The following RSRP1 variants were observed in gnomAD, a reference collection of about 807,000 sequenced individuals.
RSRP1 encodes arginine/serine-rich protein 1.
Under a neutral mutation model 33.0 loss-of-function variants are expected in RSRP1, and 37 were observed. The observed-to-expected ratio is 1.12, with a 90% CI of 0.86 to 1.48. RSRP1 has a LOEUF of 1.48. Ranked by LOEUF, RSRP1 falls within the 40% of genes most tolerant of loss-of-function variation. The pLI is 0.00. For synonymous variants in RSRP1, 167 were observed against 158.7 expected, an observed-to-expected ratio of 1.05 and a Z score of -0.40; for missense variants, 402 against 385.3, an observed-to-expected ratio of 1.04 and a Z score of -0.36.
At chr1:25,256,147 CTTTT>C (rs58871827) in intron 1 of RSRP1, among the ~76,000 whole-genome samples, 2 of 132,994 alleles carry the variant, frequency 1.5e-5, no homozygotes, top group African/African-American at 2.8e-5. Flanking sequence ...CTATCCGGAT[CTTTT>C]TTTTTTTTTT....
intron 1 of RSRP1, among the ~76,000 whole-genome samples, chr1:25,261,632 C>T (rs1175554571): frequency 1.3e-5 from 2 of 151,572 alleles, no homozygotes; most frequent in Non-Finnish European, 2.9e-5. Context: ...TCTCAATCTC[C>T]TGACCTCGTG....
chr1:25,248,517 C>T (rs115195019), upstream of RSRP1, among the ~76,000 whole-genome samples: 881 of 152,242 alleles, frequency 5.8e-3, 9 homozygotes, highest in African/African-American at 0.02. Flanking sequence ...ACTGTGTTGC[C>T]CAGGCTGGTC....
intron 1 of RSRP1, among the ~76,000 whole-genome samples, chr1:25,273,302 A>ATTTTTT (rs750823240): frequency 1.5e-4 from 15 of 97,772 alleles, no homozygotes; most frequent in African/African-American, 5.5e-4. Context: ...TGCCTGGCTA[A>ATTTTTT]TTTTTTTTTT....
chr1:25,282,304 A>G (rs1641555679), intron 1 of RSRP1, among the ~76,000 whole-genome samples: 1 of 131,496 alleles, frequency 7.6e-6, no homozygotes, highest in Non-Finnish European at 1.8e-5. Flanking sequence ...GTGCGGTCTC[A>G]GCTCACTGCA....
At chr1:25,294,505 G>A in intron 1 of RSRP1, 1 of 697,538 alleles carries the variant, frequency 1.4e-6, no homozygotes, top group Non-Finnish European at 2.6e-6. Context: ...TGTATGTGCT[G>A]CACTCCACAC....
intron 1 of RSRP1, chr1:25,304,848 A>C (rs1278539175): frequency 3.0e-5 from 4 of 131,962 alleles, no homozygotes; most frequent in Admixed American, 2.9e-4. Flanking sequence ...AAGGGCAGAA[A>C]AAAGAACACA....
rs1643093791 is a variant in RSRP1 at position 25,298,057 on chromosome 1, C to T, written c.-67+39921G>A. On this transcript the variant is annotated intron_variant, in intron 1 of 1. Transcript: ENST00000561867. ...ACCCACCCATCCACCTCCACTTGTT[C>T]CTGCATTTCTATGTCCCAGATCCTG... 1.6e-5 allele frequency among the ~76,000 whole-genome samples: 2 copies of T among 122,936 alleles called. 1 individual carries two copies. The highest frequency in any genetic ancestry group is 5.2e-4 in the South Asian group (2 of 3,872). The allele number at this position is 122,936 out of a possible 152,430, so 80.7% of individuals were successfully genotyped here.
chr1:25,252,856 T>C (rs575370200), intron 1 of RSRP1, among the ~76,000 whole-genome samples: 1 of 152,022 alleles, frequency 6.6e-6, no homozygotes, highest in African/African-American at 2.4e-5. Context: ...TAGTATTCTT[T>C]TTGGCATGAG....
intron 1 of RSRP1, among the ~76,000 whole-genome samples, chr1:25,274,879 C>T (rs1290579038): frequency 7.7e-6 from 1 of 129,548 alleles, no homozygotes; most frequent in East Asian, 2.0e-4. Flanking sequence ...TGGTGGCACA[C>T]GTCTATAATC....
intron 1 of RSRP1, chr1:25,307,786 G>A (rs1271981175): frequency 7.7e-7 from 1 of 1,301,124 alleles, no homozygotes; most frequent in African/African-American, 1.5e-5. Context: ...GACAACCATA[G>A]CCCCAAATTA....
At chr1:25,275,890 C>T (rs1640918040) in intron 1 of RSRP1, among the ~76,000 whole-genome samples, 2 of 132,024 alleles carry the variant, frequency 1.5e-5, no homozygotes, top group Admixed American at 1.5e-4. Flanking sequence ...TTTCACTCTG[C>T]CTTTTCCCTT....
Position 25,246,626 on chromosome 1 carries a change from G to A in RSRP1, c.338C>T (p.Ser113Phe). The change falls in exon 2 of 5, where the codon TCC (serine) becomes TTC (phenylalanine). Residue 113 changes from serine (S) to phenylalanine (F), a missense_variant. Coordinates refer to ENST00000243189, the MANE Select transcript of RSRP1 (RefSeq NM_020317.5). ...RYYRSPSRYRSRSRSRSRSRG... is the reference protein window; with the variant it reads ...RYYRSPSRYRFRSRSRSRSRG... The stretch of plus-strand genomic sequence containing the variant: ...AGAGCGCGACCTGCTACGGGACCGG[G>A]ACCGGTACCGCGAAGGAGACCGGTA... 6.2e-7 allele frequency: 1 copy of A among 1,614,084 alleles called. No individual in the cohort carries two copies. Among genetic ancestry groups the A allele is most frequent in the South Asian group, 1.1e-5 (1 of 91,088 alleles).
At chr1:25,251,056 G>A (rs533301575), upstream of RSRP1, among the ~76,000 whole-genome samples, 1 of 151,942 alleles carries the variant, frequency 6.6e-6, no homozygotes, top group Non-Finnish European at 1.5e-5. Context: ...AAATGTAGGG[G>A]CTTATGTGCA....
intron 1 of RSRP1, among the ~76,000 whole-genome samples, chr1:25,305,857 C>T (rs1643782321): frequency 1.5e-5 from 2 of 131,232 alleles, no homozygotes; most frequent in African/African-American, 5.3e-5. Context: ...CCATGTCGGC[C>T]TCCCAAAGTG....
Position 25,305,794 on chromosome 1 carries a change from G to A in RSRP1, c.-67+32184C>T, listed in dbSNP as rs1432966881. ...TTTTTGTGTTTTTAGTAGAGACGGG[G>A]TTTCACCATGTTGGCCCTGCTGGTC... On this transcript the variant is annotated intron_variant, in intron 1 of 1. Coordinates refer to the RSRP1 transcript ENST00000561867. 2.7e-4 allele frequency among the ~76,000 whole-genome samples: 35 copies of A among 130,514 alleles called. 2 individuals are homozygous for A. Among genetic ancestry groups the A allele is most frequent in the African/African-American group, 8.7e-4 (33 of 37,860 alleles). 85.6% of individuals were successfully genotyped at this position (130,514 alleles called of 152,430 possible).
intron 3 of RSRP1, chr1:25,244,566 A>T: frequency 7.8e-7 from 1 of 1,286,868 alleles, no homozygotes; most frequent in Non-Finnish European, 1.0e-6. Flanking sequence ...TGGGAACATA[A>T]TGCTGCAAAT....
At chr1:25,331,564 A>ATT (rs71014354) in intron 1 of RSRP1, among the ~76,000 whole-genome samples, 1,827 of 74,336 alleles carry the variant, frequency 0.025, 435 homozygotes, top group Non-Finnish European at 0.035. Flanking sequence ...GAAAAATGTG[A>ATT]TTTTTTTTTT....
rs114582484 is a variant in RSRP1, at chr1:25,283,634, C to T, written c.-66-36605G>A. ...AAAATGGTGACAGTAACAGCACCCA[C>T]GTCAAAGTGTGGTTGTGAGAACGAA... is the stretch of plus-strand genomic sequence containing the variant. On this transcript the variant is annotated intron_variant, in intron 1 of 1. Coordinates refer to the RSRP1 transcript ENST00000561867. Among the ~76,000 whole-genome samples the T allele has an allele frequency of 1.8e-4, 23 of 124,460 alleles. 3 individuals carry two copies. Among genetic ancestry groups the T allele is most frequent in the African/African-American group, 3.8e-4 (14 of 36,618 alleles). The allele number at this position is 124,460 out of a possible 152,430, so 81.7% of individuals were successfully genotyped here.
Position 25,300,864 on chromosome 1 carries a change from C to A in RSRP1, c.-67+37114G>T, listed in dbSNP as rs1162437641. 3.0e-6 allele frequency: 4 copies of A among 1,317,094 alleles called. 1 individual carries two copies. Among genetic ancestry groups the A allele is most frequent in the Non-Finnish European group, 4.3e-6 (4 of 927,982 alleles). 81.6% of individuals were successfully genotyped at this position (1,317,094 alleles called of 1,614,324 possible). A position where few individuals can be genotyped will look rare whatever the true frequency, so the allele number is the denominator to read the frequency against. On this transcript the variant is annotated intron_variant, in intron 1 of 1. Coordinates refer to the RSRP1 transcript ENST00000561867. ...CAAGTCACACCTCCTAAGTGAAGCTCTGAACTTTCTCCAAGGACTATCAGG... is the reference window on the plus strand; with the variant it reads ...CAAGTCACACCTCCTAAGTGAAGCTATGAACTTTCTCCAAGGACTATCAGG...
Sources: allele counts gnomAD v4.1 joint callset (sites outside exome capture counted in the v4.1 genomes callset), GRCh38; gene constraint gnomAD v4.1.1; transcripts MANE v1.5; gene names NCBI Gene and HGNC (gene_info 2026-07-23, HGNC 2026-07-21).